The following EIF4EBP2 variants were observed in gnomAD, a reference collection of about 807,000 sequenced individuals.
EIF4EBP2 encodes eukaryotic translation initiation factor 4E binding protein 2.
In EIF4EBP2, 5 loss-of-function variants were observed where a neutral mutation model predicts 10.3. The observed-to-expected ratio is 0.48, with a 90% CI of 0.25 to 1.02. The LOEUF (loss-of-function observed/expected upper bound fraction) is 1.02. Among genes scored for constraint, EIF4EBP2 ranks in the 50% least tolerant of loss-of-function variants. EIF4EBP2 has a pLI of 0.15. For missense variants in EIF4EBP2, 188 were observed against 162.2 expected, an observed-to-expected ratio of 1.16 and a Z score of -0.86; for synonymous variants, 67 against 61.1, an observed-to-expected ratio of 1.10 and a Z score of -0.45.
At chr10:70,412,756 G>C (rs1845059089) in intron 1 of EIF4EBP2, among the ~76,000 whole-genome samples, 1 of 152,110 alleles carries the variant, frequency 6.6e-6, no homozygotes, top group African/African-American at 2.4e-5. Flanking sequence ...TATTTCCCTA[G>C]TAATGTTAAA....
chr10:70,419,303 T>A (rs1589148356), intron 1 of EIF4EBP2, among the ~76,000 whole-genome samples: 1 of 152,258 alleles, frequency 6.6e-6, no homozygotes, highest in African/African-American at 2.4e-5. Context: ...CTATTGTTTT[T>A]AAAACATTCA....
At chr10:70,413,955 T>C (rs540755007) in intron 1 of EIF4EBP2, among the ~76,000 whole-genome samples, 11 of 152,362 alleles carry the variant, frequency 7.2e-5, no homozygotes, top group African/African-American at 2.4e-4. Context: ...TAGTTACTTA[T>C]GGCTGCATTG....
intron 1 of EIF4EBP2, among the ~76,000 whole-genome samples, chr10:70,410,577 CTG>C (rs1167878926): frequency 6.6e-6 from 1 of 152,232 alleles, no homozygotes; most frequent in Non-Finnish European, 1.5e-5. Flanking sequence ...ATGTTTAAAA[CTG>C]AAGTTCATTC....
chr10:70,406,268 C>T lies in EIF4EBP2; in HGVS notation c.145+1722C>T, dbSNP rs542498975. Among the ~76,000 whole-genome samples the T allele has an allele frequency of 5.9e-5, 9 of 152,316 alleles. No homozygotes were observed. In the South Asian group the frequency reaches 1.0e-3, roughly 18 times the overall value. ...GATTACAGGCGTGAGCCACTGCACCCGGCCAAGATCTTGCTTTTTAATCCT... is the reference window on the plus strand; with the variant it reads ...GATTACAGGCGTGAGCCACTGCACCTGGCCAAGATCTTGCTTTTTAATCCT... On this transcript the variant is annotated intron_variant, in intron 1 of 2. Transcript: ENST00000373218.
At chr10:70,404,875 C>G (rs374041019) in intron 1 of EIF4EBP2, among the ~76,000 whole-genome samples, 2 of 152,372 alleles carry the variant, frequency 1.3e-5, no homozygotes, top group East Asian at 3.9e-4. Flanking sequence ...TCCACTTGGC[C>G]TTGCATTACA....
At chr10:70,410,237 T>C (rs1456142635) in intron 1 of EIF4EBP2, among the ~76,000 whole-genome samples, 1 of 152,086 alleles carries the variant, frequency 6.6e-6, no homozygotes, top group Non-Finnish European at 1.5e-5. Flanking sequence ...GCGTGGCTGA[T>C]TTTTGTATTT....
In EIF4EBP2 at chr10:70,404,245, G is replaced by A. The variant is rs1176786823; in HGVS notation, c.-157G>A. 3 of 928,436 alleles carry A rather than the reference G, an allele frequency of 3.2e-6. No homozygotes were observed. Among genetic ancestry groups the A allele is most frequent in the African/African-American group, 3.5e-5 (2 of 56,544 alleles). The allele number at this position is 928,436 out of a possible 1,614,324, so 57.5% of individuals were successfully genotyped here. On this transcript the variant is annotated 5_prime_UTR_variant, in exon 1 of 3. Coordinates refer to ENST00000373218, the MANE Select transcript of EIF4EBP2 (RefSeq NM_004096.5). ...GCGGCGGCGGCGGCGGCGGCTGAGA[G>A]GGCGGCGGCGGGAGCGGAGCGGGAC...
chr10:70,413,609 CA>C (rs57681671), intron 1 of EIF4EBP2, among the ~76,000 whole-genome samples: 10,425 of 97,284 alleles, frequency 0.11, 368 homozygotes, highest in East Asian at 0.26. Flanking sequence ...CCCTGACTCT[CA>C]AAAAAAAAAA....
At position 70,404,545 on chromosome 10, in the gene EIF4EBP2, AG is replaced by A. The variant is rs1277513547; in HGVS notation, c.145+1del. On this transcript the variant is annotated frameshift_variant and splice_region_variant, in exon 1 of 3. Coordinates refer to ENST00000373218, the MANE Select transcript of EIF4EBP2 (RefSeq NM_004096.5). LOFTEE classifies it high-confidence loss of function. ...GGTLFSTTPG[G>X]TRIIYDRKFL... ...GGACGCTCTTCTCCACCACACCGGG[AG>A]GTGAGCGCCGGCCAGCCGTCCGCCG... 1 of 1,566,488 alleles carries A rather than the reference AG, an allele frequency of 6.4e-7. No individual in the cohort carries two copies. The highest frequency in any genetic ancestry group is 1.4e-5 in the African/African-American group (1 of 70,368).
chr10:70,416,086 AAAG>A (rs763460600), intron 1 of EIF4EBP2, among the ~76,000 whole-genome samples: 27 of 152,348 alleles, frequency 1.8e-4, no homozygotes, highest in Non-Finnish European at 3.4e-4. Context: ...AGTTTCTTCA[AAAG>A]AAGATATGTG....
intron 1 of EIF4EBP2, among the ~76,000 whole-genome samples, chr10:70,412,492 C>T (rs1845056377): frequency 6.6e-6 from 1 of 152,096 alleles, no homozygotes; most frequent in Non-Finnish European, 1.5e-5. Flanking sequence ...TTAATTTCAG[C>T]TTACATAATT....
Position 70,424,354 on chromosome 10 carries a change from A to C in EIF4EBP2, c.*2607A>C, listed in dbSNP as rs891811256. ...CAAGGACTTCCTTACAGCTTGGTGC[A>C]GTTCTTTCCCAGAGGCCACCACTAC... is the stretch of plus-strand genomic sequence containing the variant. On this transcript the variant is annotated 3_prime_UTR_variant, in exon 3 of 3. Coordinates refer to ENST00000373218, the MANE Select transcript of EIF4EBP2 (RefSeq NM_004096.5). 2.0e-5 allele frequency: 3 copies of C among 152,178 alleles called. No individual in the cohort carries two copies. The highest frequency in any genetic ancestry group is 2.0e-4 in the Admixed American group (3 of 15,278). 9.4% of individuals were successfully genotyped at this position (152,178 alleles called of 1,614,324 possible).
Position 70,415,736 on chromosome 10 carries a change from T to C in EIF4EBP2, c.146-4178T>C, listed in dbSNP as rs190594301. ...GATATGCACACAGAAAAACTGAAGG[T>C]GGACCAGATGGCTCAAAGACCTAAA... is the stretch of plus-strand genomic sequence containing the variant. On this transcript the variant is annotated intron_variant, in intron 1 of 2. Coordinates refer to ENST00000373218, the MANE Select transcript of EIF4EBP2 (RefSeq NM_004096.5). 9.2e-5 allele frequency among the ~76,000 whole-genome samples: 14 copies of C among 152,276 alleles called. No individual in the cohort carries two copies. The East Asian group carries it at 2.7e-3, about 29-fold the overall frequency.
chr10:70,408,470 G>A (rs1392089811), intron 1 of EIF4EBP2, among the ~76,000 whole-genome samples: 1 of 152,216 alleles, frequency 6.6e-6, no homozygotes, highest in African/African-American at 2.4e-5. Flanking sequence ...AGGACATGGT[G>A]CCGTTGCAGT....
At chr10:70,418,639 T>C (rs1263203553) in intron 1 of EIF4EBP2, among the ~76,000 whole-genome samples, 1 of 152,218 alleles carries the variant, frequency 6.6e-6, no homozygotes, top group Non-Finnish European at 1.5e-5. Flanking sequence ...GTATTAGAAG[T>C]ATTTTCATTC....
chr10:70,406,044 C>T (rs1401548200), intron 1 of EIF4EBP2, among the ~76,000 whole-genome samples: 1 of 152,110 alleles, frequency 6.6e-6, no homozygotes, highest in Non-Finnish European at 1.5e-5. Context: ...TACAGTGGCA[C>T]GACCTCGGCT....
chr10:70,408,540 A>G (rs1347088351), intron 1 of EIF4EBP2, among the ~76,000 whole-genome samples: 2 of 152,230 alleles, frequency 1.3e-5, no homozygotes, highest in Admixed American at 1.3e-4. Flanking sequence ...TTACTGATTT[A>G]ACTTCCCCCT....
chr10:70,407,290 C>G (rs962947287), intron 1 of EIF4EBP2, among the ~76,000 whole-genome samples: 25 of 152,118 alleles, frequency 1.6e-4, no homozygotes, highest in African/African-American at 6.0e-4. Context: ...TCCATGGGTA[C>G]TTGAGATTAG....
intron 2 of EIF4EBP2, 38 bp downstream of exon 2, chr10:70,420,137 T>C (rs1177953536): frequency 6.5e-7 from 1 of 1,531,076 alleles, no homozygotes; most frequent in East Asian, 2.4e-5. Flanking sequence ...AGAGCGTGGC[T>C]CTTGGAATTT....
Sources: allele counts gnomAD v4.1 joint callset (sites outside exome capture counted in the v4.1 genomes callset), GRCh38; gene constraint gnomAD v4.1.1; transcripts MANE v1.5; gene names NCBI Gene and HGNC (gene_info 2026-07-23, HGNC 2026-07-21).